Variants in PGM3 observed in about 807,000 individuals in gnomAD.
PGM3 encodes phosphoglucomutase 3.
A neutral mutation model predicts 66.2 loss-of-function variants in PGM3; 40 were observed. The ratio of observed to expected loss-of-function variants is 0.60; its 90% CI spans 0.47 to 0.79. PGM3 has a LOEUF of 0.79. Among genes scored for constraint, PGM3 ranks in the 30% least tolerant of loss-of-function variants. The pLI, the probability that PGM3 is intolerant of heterozygous loss-of-function variation, is 0.00. For missense variants in PGM3, 537 were observed against 643.4 expected (o/e 0.83, Z 1.79); for synonymous variants, 191 against 224.2 (o/e 0.85, Z 1.32).
At chr6:83,190,411 T>C (rs1470845835) in intron 2 of PGM3, 1 of 173,896 alleles carries the variant, frequency 5.8e-6, no homozygotes, top group African/African-American at 2.4e-5. Flanking sequence ...ATTGCCGAGC[T>C]ATAAAAACCT....
chr6:83,168,356 C>T lies in PGM3; in HGVS notation c.*878G>A, dbSNP rs1786355929. The T allele has an allele frequency of 2.1e-6, 3 of 1,398,772 alleles. No individual in the cohort carries two copies. Among genetic ancestry groups the T allele is most frequent in the African/African-American group, 1.4e-5 (1 of 69,056 alleles). The allele number at this position is 1,398,772 out of a possible 1,614,324, so 86.6% of individuals were successfully genotyped here. A position where few individuals can be genotyped will look rare whatever the true frequency, so the allele number is the denominator to read the frequency against. On this transcript the variant is annotated 3_prime_UTR_variant, in exon 13 of 13. Coordinates refer to ENST00000513973, the MANE Select transcript of PGM3 (RefSeq NM_015599.3). ...CTGAATCAAGTTTAAATATTGTTGG[C>T]TCATACTGATTATGGTGCCTAAGAG... is the stretch of plus-strand genomic sequence containing the variant.
chr6:83,152,470 T>C, the PGM3 span: 26 of 479,896 alleles, frequency 5.4e-5, no homozygotes, highest in South Asian at 1.5e-3. Flanking sequence ...AGAAACTATT[T>C]TGTGCTTCTA....
At chr6:83,188,868 A>C in intron 2 of PGM3, 70 bp from the exon 3 acceptor site, 1 of 1,336,914 alleles carries the variant, frequency 7.5e-7, no homozygotes. Flanking sequence ...AGAACTCAAA[A>C]GCTGTTTCCC....
intron 10 of PGM3, 22 bp downstream of exon 10, chr6:83,174,352 C>G: frequency 8.5e-7 from 1 of 1,179,018 alleles, no homozygotes; most frequent in East Asian, 2.3e-5. Flanking sequence ...AACCAAGAGT[C>G]CACTGCCCCA....
chr6:83,178,630 A>T (rs984836696), intron 8 of PGM3, 43 bp downstream of exon 8: 1 of 1,039,850 alleles, frequency 9.6e-7, no homozygotes, highest in Non-Finnish European at 1.5e-6. Context: ...CAGAAACATG[A>T]TCTTAATTAA....
intron 5 of PGM3, among the ~76,000 whole-genome samples, chr6:83,182,505 C>A (rs777347882): frequency 6.6e-6 from 1 of 152,166 alleles, no homozygotes; most frequent in Non-Finnish European, 1.5e-5. Flanking sequence ...AAGAAAATCT[C>A]AATAGTACAT....
chr6:83,192,805 G>A (rs1451397530), intron 1 of PGM3, among the ~76,000 whole-genome samples: 1 of 152,024 alleles, frequency 6.6e-6, no homozygotes, highest in Non-Finnish European at 1.5e-5. Flanking sequence ...AAGCATATTT[G>A]CCAAATCCAG....
At position 83,181,834 on chromosome 6, in the gene PGM3, T is replaced by G. The variant is rs1170465757; in HGVS notation, c.689A>C (p.Gln230Pro). The change falls in exon 6 of 13, where the codon CAG becomes CCG. Residue 230 changes from glutamine (Q) to proline (P), a missense_variant. Gln to Pro is a moderately conservative substitution (Grantham distance 76). Transcript: ENST00000513973. The stretch of plus-strand genomic sequence containing the variant: ...ATTAAACAGCTGAACTGACAGGCCC[T>G]GTGAGAAGTAGTGTTCCATTTCCCT... Reference protein sequence around the residue: ...KLREMEHYFSQGLSVQLFNDG... With the variant: ...KLREMEHYFSPGLSVQLFNDG... 6.2e-7 allele frequency: 1 copy of G among 1,613,818 alleles called. No homozygotes were observed. Among genetic ancestry groups the G allele is most frequent in the Non-Finnish European group, 8.5e-7 (1 of 1,179,842 alleles).
At position 83,169,131 on chromosome 6, in the gene PGM3, T is replaced by C. The variant is rs543672784; in HGVS notation, c.*103A>G. Reference sequence around the variant, plus strand: ...TCTAGAGACAATCCAGTAGGCTGCATTGTAAACATTATGATTATAAATCTC... The same window carrying C: ...TCTAGAGACAATCCAGTAGGCTGCACTGTAAACATTATGATTATAAATCTC... On this transcript the variant is annotated 3_prime_UTR_variant, in exon 13 of 13. Transcript: ENST00000513973. The C allele has an allele frequency of 2.6e-6, 4 of 1,533,576 alleles. No homozygotes were observed. The highest frequency in any genetic ancestry group is 2.4e-5 in the East Asian group (1 of 41,320). 95.0% of individuals were successfully genotyped at this position (1,533,576 alleles called of 1,614,324 possible).
rs1786836659 is a variant in PGM3 at position 83,170,297 on chromosome 6, C to G, written c.1539+8G>C. 2 of 1,613,720 alleles carry G rather than the reference C, an allele frequency of 1.2e-6. No individual in the cohort carries two copies. The highest frequency in any genetic ancestry group is 2.2e-5 in the South Asian group (2 of 91,006). ...AGGCTCTTTTTCAATAGAACTATCC[C>G]AGCTTACTTGTGAGTCTGCTTCTGC... On this transcript the variant is annotated splice_region_variant and intron_variant, in intron 12 of 12. Transcript: ENST00000513973.
At chr6:83,162,747 A>G (rs1784529855), downstream of PGM3, 1 of 1,562,338 alleles carries the variant, frequency 6.4e-7, no homozygotes, top group Non-Finnish European at 8.7e-7. Context: ...TAGATGGCAC[A>G]AAGTCTGTCT....
the PGM3 span, among the ~76,000 whole-genome samples, chr6:83,155,342 C>T: frequency 6.6e-6 from 1 of 151,962 alleles, no homozygotes; most frequent in Non-Finnish European, 1.5e-5. Context: ...TGGTATGTAC[C>T]TGTAGTCTCA....
Position 83,166,997 on chromosome 6 carries a change from CTT to C in PGM3, c.*2235_*2236del, listed in dbSNP as rs1785874416. The C allele has an allele frequency of 1.0e-6, 1 of 985,838 alleles. No individual in the cohort carries two copies. Among genetic ancestry groups the C allele is most frequent in the Middle Eastern group, 5.2e-4 (1 of 1,916 alleles). 61.1% of individuals were successfully genotyped at this position (985,838 alleles called of 1,614,324 possible). A position where few individuals can be genotyped will look rare whatever the true frequency, so the allele number is the denominator to read the frequency against. On this transcript the variant is annotated 3_prime_UTR_variant, in exon 13 of 13. Transcript: ENST00000513973. ...CCCAAGTTCAACCAACCTGTTCTCTCTTATCTTTCTCTAGACAGAATGATGTC... is the reference window on the plus strand; with the variant it reads ...CCCAAGTTCAACCAACCTGTTCTCTCATCTTTCTCTAGACAGAATGATGTC...
chr6:83,163,922 C>G (rs1784818300), downstream of PGM3, among the ~76,000 whole-genome samples: 2 of 151,894 alleles, frequency 1.3e-5, no homozygotes. Context: ...TTTTATCTTT[C>G]AGTATGCATC....
At chr6:83,176,862 TG>T (rs1424456363) in intron 8 of PGM3, among the ~76,000 whole-genome samples, 2 of 152,126 alleles carry the variant, frequency 1.3e-5, no homozygotes, top group East Asian at 3.9e-4. Flanking sequence ...AGACAGAAAA[TG>T]AAAATCCTAA....
intron 3 of PGM3, among the ~76,000 whole-genome samples, chr6:83,188,167 T>C (rs1355392494): frequency 6.6e-6 from 1 of 152,080 alleles, no homozygotes; most frequent in Admixed American, 6.5e-5. Context: ...AACAGAACTA[T>C]GTGGAAAATA....
intron 10 of PGM3, 39 bp downstream of exon 10, chr6:83,174,335 T>TA: frequency 9.5e-7 from 1 of 1,050,298 alleles, no homozygotes; most frequent in Non-Finnish European, 1.5e-6. Flanking sequence ...CTGAATAATG[T>TA]AAAGGTAACC....
intron 4 of PGM3, 151 bp from the exon 5 acceptor site, chr6:83,183,129 T>C (rs1788318373): frequency 2.9e-6 from 2 of 700,926 alleles, no homozygotes. Context: ...TAAAAAGAAA[T>C]ATAAATGACT....
chr6:83,190,648 T>C (rs1788972752), intron 2 of PGM3, 161 bp downstream of exon 2: 1 of 617,302 alleles, frequency 1.6e-6, no homozygotes, highest in Non-Finnish European at 2.9e-6. Context: ...AGCTTAATGA[T>C]CATGCTCTTA....
Sources: gnomAD v4.1 joint callset for allele counts (sites outside exome capture counted in the v4.1 genomes callset) on GRCh38, gnomAD v4.1.1 for gene constraint, MANE v1.5 for transcripts, NCBI Gene and HGNC (gene_info 2026-07-23, HGNC 2026-07-21) for gene names.